TBL1XR1: variants seen among roughly 807,000 people sequenced by gnomAD.
TBL1XR1 encodes the protein TBL1X/Y related 1.
TBL1XR1 carries 5 observed loss-of-function variants against 66.9 expected under a neutral mutation model. The ratio of observed to expected loss-of-function variants is 0.07; its 90% CI spans 0.04 to 0.16. The LOEUF (loss-of-function observed/expected upper bound fraction) is 0.16. Ranked by LOEUF, TBL1XR1 falls within the 10% of genes least tolerant of loss-of-function variation. The pLI, the probability that TBL1XR1 is intolerant of heterozygous loss-of-function variation, is 1.00. For synonymous variants in TBL1XR1, 210 were observed against 206.0 expected, an observed-to-expected ratio of 1.02 and a Z score of -0.17; for missense variants, 238 against 623.2, an observed-to-expected ratio of 0.38 and a Z score of 6.58.
intron 12 of TBL1XR1, among the ~76,000 whole-genome samples, chr3:177,036,510 C>A (rs556105398): frequency 3.9e-5 from 6 of 152,202 alleles, no homozygotes; most frequent in Non-Finnish European, 5.9e-5. Flanking sequence ...TAACCTCTCT[C>A]CAGCTTCAAC....
chr3:177,090,789 G>A lies in TBL1XR1; in HGVS notation c.-46+7677C>T, dbSNP rs140374211. On this transcript the variant is annotated intron_variant, in intron 2 of 15. Transcript: ENST00000457928. ...TCACGCCACTGCACTCCAGCTGGGCGACAGAGCGAGACTCCGTCTCGAAAT... is the reference window on the plus strand; with the variant it reads ...TCACGCCACTGCACTCCAGCTGGGCAACAGAGCGAGACTCCGTCTCGAAAT... 7.6e-3 allele frequency among the ~76,000 whole-genome samples: 1,157 copies of A among 152,126 alleles called. 9 individuals carry two copies. The highest frequency in any genetic ancestry group is 9.8e-3 in the African/African-American group (408 of 41,500).
At chr3:177,118,746 GGAGTA>G (rs1726614492) in intron 1 of TBL1XR1, among the ~76,000 whole-genome samples, 1 of 152,224 alleles carries the variant, frequency 6.6e-6, no homozygotes, top group South Asian at 2.1e-4. Flanking sequence ...TTTTAATGGG[GGAGTA>G]GAGACAAAAT....
chr3:177,032,069 A>T (rs1428836182), intron 14 of TBL1XR1, among the ~76,000 whole-genome samples: 1 of 152,236 alleles, frequency 6.6e-6, no homozygotes, highest in Non-Finnish European at 1.5e-5. Flanking sequence ...ATTTATCACT[A>T]ATGGATTGAA....
chr3:177,095,497 T>A (rs13092524), intron 2 of TBL1XR1, among the ~76,000 whole-genome samples: 35 of 57,796 alleles, frequency 6.1e-4, no homozygotes, highest in Admixed American at 8.5e-4. Flanking sequence ...GCAATTAGAT[T>A]TTTTTTTTTT....
chr3:177,088,836 A>G (rs1722477451), intron 2 of TBL1XR1, among the ~76,000 whole-genome samples: 1 of 152,230 alleles, frequency 6.6e-6, no homozygotes, highest in South Asian at 2.1e-4. Context: ...TGGTTCACAC[A>G]ATATCATGCG....
chr3:177,138,661 G>A (rs1015849020), intron 1 of TBL1XR1, among the ~76,000 whole-genome samples: 1 of 152,160 alleles, frequency 6.6e-6, no homozygotes, highest in African/African-American at 2.4e-5. Flanking sequence ...AGAGTAGCCA[G>A]GTTGGAGAGA....
chr3:177,069,236 A>AT (rs937337200), intron 2 of TBL1XR1, among the ~76,000 whole-genome samples: 18 of 152,318 alleles, frequency 1.2e-4, no homozygotes, highest in African/African-American at 4.3e-4. Context: ...TCATAAAGCA[A>AT]TTTTTAAGAA....
intron 14 of TBL1XR1, among the ~76,000 whole-genome samples, chr3:177,029,546 A>G (rs1713643463): frequency 6.6e-6 from 1 of 152,098 alleles, no homozygotes. Flanking sequence ...AGCTAAGCCC[A>G]GGAAGGCCAA....
chr3:177,086,444 A>G (rs2108625922), intron 2 of TBL1XR1, among the ~76,000 whole-genome samples: 1 of 152,134 alleles, frequency 6.6e-6, no homozygotes, highest in African/African-American at 2.4e-5. Context: ...ATAGAAAAGA[A>G]GGGCCAAGGT....
intron 1 of TBL1XR1, among the ~76,000 whole-genome samples, chr3:177,155,623 GT>G (rs1186372358): frequency 3.3e-5 from 5 of 152,210 alleles, no homozygotes; most frequent in African/African-American, 9.6e-5. Context: ...GAGAAAGATA[GT>G]TTTTTTCTTT....
At chr3:177,167,775 A>G in intron 1 of TBL1XR1, among the ~76,000 whole-genome samples, 1 of 152,188 alleles carries the variant, frequency 6.6e-6, no homozygotes, top group Non-Finnish European at 1.5e-5. Context: ...TACTAAAAAT[A>G]CAAAAATTAG....
intron 2 of TBL1XR1, among the ~76,000 whole-genome samples, chr3:177,094,905 G>C (rs928338713): frequency 2.0e-5 from 3 of 151,622 alleles, no homozygotes; most frequent in Admixed American, 2.0e-4. Context: ...CAAAATCTCA[G>C]AAATCACCAC....
chr3:177,105,909 G>A (rs2108694535), intron 1 of TBL1XR1, among the ~76,000 whole-genome samples: 1 of 152,240 alleles, frequency 6.6e-6, no homozygotes, highest in East Asian at 1.9e-4. Context: ...ACCTAAGGCA[G>A]GAGAGTCGCT....
At chr3:177,162,590 A>C (rs1257773605) in intron 1 of TBL1XR1, among the ~76,000 whole-genome samples, 1 of 152,250 alleles carries the variant, frequency 6.6e-6, no homozygotes, top group Non-Finnish European at 1.5e-5. Context: ...GGGGTGGGTT[A>C]CATGGTCAGT....
chr3:177,044,551 G>A (rs1716058134), intron 10 of TBL1XR1, among the ~76,000 whole-genome samples: 2 of 152,062 alleles, frequency 1.3e-5, no homozygotes, highest in Admixed American at 1.3e-4. Flanking sequence ...AACGTCTGAA[G>A]GTAACAGATG....
At chr3:177,127,324 T>C (rs1338597540) in intron 1 of TBL1XR1, among the ~76,000 whole-genome samples, 2 of 152,196 alleles carry the variant, frequency 1.3e-5, no homozygotes, top group African/African-American at 4.8e-5. Flanking sequence ...TATCTGTAAT[T>C]CTCAGTATCA....
At chr3:177,163,591 TGA>T (rs1316401918) in intron 1 of TBL1XR1, among the ~76,000 whole-genome samples, 3 of 151,818 alleles carry the variant, frequency 2.0e-5, no homozygotes, top group African/African-American at 7.3e-5. Flanking sequence ...CACATCAAAG[TGA>T]CTAGTACCCT....
chr3:177,165,603 G>C (rs1560251018), intron 1 of TBL1XR1, among the ~76,000 whole-genome samples: 3 of 152,298 alleles, frequency 2.0e-5, no homozygotes, highest in South Asian at 2.1e-4. Flanking sequence ...TATGGTATTA[G>C]TGAAAGAACA....
At chr3:177,184,003 G>C (rs1408708834) in intron 1 of TBL1XR1, among the ~76,000 whole-genome samples, 1 of 152,062 alleles carries the variant, frequency 6.6e-6, no homozygotes, top group Non-Finnish European at 1.5e-5. Context: ...AGAGGGCCAT[G>C]ACAGTGCCCT....
Sources: gnomAD v4.1 joint callset for allele counts (sites outside exome capture counted in the v4.1 genomes callset) on GRCh38, gnomAD v4.1.1 for gene constraint, MANE v1.5 for transcripts, NCBI Gene and HGNC (gene_info 2026-07-23, HGNC 2026-07-21) for gene names.